Variants in CD99 observed in about 807,000 individuals in gnomAD.
The protein encoded by CD99 is CD99 molecule (Xg blood group).
CD99 carries 19 observed loss-of-function variants against 28.4 expected under a neutral mutation model. That is an observed-to-expected ratio of 0.67 (90% confidence interval 0.47 to 0.98). The LOEUF (loss-of-function observed/expected upper bound fraction) is 0.98, where lower values mean the gene tolerates loss of function less well. Ranked by LOEUF, CD99 falls within the 50% of genes least tolerant of loss-of-function variation. The pLI is 0.00. For synonymous variants in CD99, 103 were observed against 92.1 expected, an observed-to-expected ratio of 1.12 and a Z score of -0.67; for missense variants, 283 against 248.8, an observed-to-expected ratio of 1.14 and a Z score of -0.92.
intron 2 of CD99, chrX:2,714,856 G>A: frequency 6.0e-6 from 1 of 167,906 alleles, no homozygotes. Context: ...CCGCCTGTAT[G>A]TGTCCACCTG....
Position 2,691,374 on chromosome X carries a change from C to A in CD99, c.14C>A (p.Ala5Asp). The change falls in exon 1 of 10, where the codon GCT becomes GAT. Residue 5 changes from alanine (A) to aspartate (D), a missense_variant. Physicochemically the swap from Ala to Asp is moderately radical, Grantham distance 126 (BLOSUM62 -2). Coordinates refer to ENST00000381192, the MANE Select transcript of CD99 (RefSeq NM_002414.5). The part of the protein sequence containing the change: MARG[A>D]ALALLLFGLL... ...TCTGGGCGCACCATGGCCCGCGGGG[C>A]TGCGCTGGCGCTGCTGCTCTTCGGC... is the stretch of plus-strand genomic sequence containing the variant. The A allele has an allele frequency of 6.3e-7, 1 of 1,575,910 alleles. No individual in the cohort carries two copies. The highest frequency in any genetic ancestry group is 8.5e-7 in the Non-Finnish European group (1 of 1,170,980).
At chrX:2,723,394 C>G (rs769180456) in intron 7 of CD99, 30 bp downstream of exon 7, 3 of 1,612,400 alleles carry the variant, frequency 1.9e-6, no homozygotes, top group East Asian at 2.2e-5. Flanking sequence ...GTCTTCTTGT[C>G]TCTCCCACGT....
chrX:2,721,374 C>T (rs141978885), intron 5 of CD99, among the ~76,000 whole-genome samples: 3,071 of 152,094 alleles, frequency 0.02, 97 homozygotes, highest in African/African-American at 0.07. Flanking sequence ...GAGCATACCA[C>T]AGCCTCCAAC....
intron 8 of CD99, among the ~76,000 whole-genome samples, chrX:2,733,910 A>G (rs2124276097): frequency 6.6e-6 from 1 of 152,360 alleles, no homozygotes; most frequent in South Asian, 2.1e-4. Flanking sequence ...TTCTGTGATC[A>G]GTGTTCCAAA....
At chrX:2,733,451 GCAAAC>G in intron 8 of CD99, 3 of 1,475,384 alleles carry the variant, frequency 2.0e-6, no homozygotes, top group Non-Finnish European at 1.9e-6. Flanking sequence ...TAGCCTTAAA[GCAAAC>G]CCTTCCATCT....
intron 7 of CD99, among the ~76,000 whole-genome samples, chrX:2,725,681 T>G (rs987748621): frequency 1.3e-5 from 2 of 152,162 alleles, no homozygotes; most frequent in African/African-American, 4.8e-5. Flanking sequence ...CGGCACAATC[T>G]CGGCTCACTG....
chrX:2,703,957 TG>T (rs1009686662), intron 1 of CD99, among the ~76,000 whole-genome samples: 102 of 152,202 alleles, frequency 6.7e-4, no homozygotes, highest in Non-Finnish European at 1.2e-3. Context: ...CGAGCAGCCC[TG>T]CCTTGCTGTT....
chrX:2,738,674 G>A (rs1007476407), intron 9 of CD99, among the ~76,000 whole-genome samples: 8 of 151,478 alleles, frequency 5.3e-5, no homozygotes, highest in East Asian at 2.0e-4. Flanking sequence ...GCAGTGAGCC[G>A]AGATCGTGCC....
At chrX:2,701,027 A>C (rs1039630420) in intron 1 of CD99, among the ~76,000 whole-genome samples, 4 of 149,856 alleles carry the variant, frequency 2.7e-5, no homozygotes, top group Non-Finnish European at 5.9e-5. Context: ...CCATCCATCC[A>C]CCTACCTACT....
At chrX:2,693,053 G>A (rs1198665029) in intron 1 of CD99, among the ~76,000 whole-genome samples, 2 of 152,150 alleles carry the variant, frequency 1.3e-5, no homozygotes. Context: ...CTGGTCTGGC[G>A]TTCCAGGTCA....
At chrX:2,734,743 C>A (rs2049848441) in intron 8 of CD99, among the ~76,000 whole-genome samples, 1 of 134,152 alleles carries the variant, frequency 7.5e-6, no homozygotes, top group Admixed American at 7.5e-5. Context: ...TTTCCTCATT[C>A]TTTTCCTCTT....
intron 1 of CD99, chrX:2,692,108 A>C (rs905425690): frequency 6.7e-6 from 4 of 598,442 alleles, no homozygotes; most frequent in South Asian, 4.1e-5. Context: ...CAGGGAAGAA[A>C]GAGCCACGGT....
chrX:2,709,147 GC>G (rs1240185031), intron 1 of CD99, among the ~76,000 whole-genome samples: 1 of 132,348 alleles, frequency 7.6e-6, no homozygotes, highest in African/African-American at 2.5e-5. Context: ...GAGGTGGCAG[GC>G]CATGGACACA....
intron 4 of CD99, 66 bp from the exon 5 acceptor site, chrX:2,720,290 A>T (rs2048930384): frequency 7.0e-7 from 1 of 1,434,944 alleles, no homozygotes; most frequent in Non-Finnish European, 9.8e-7. Flanking sequence ...ATCTGTGTGT[A>T]AACTGATGTT....
intron 1 of CD99, among the ~76,000 whole-genome samples, chrX:2,712,086 C>A (rs762185948): frequency 2.0e-5 from 3 of 152,152 alleles, no homozygotes; most frequent in Admixed American, 2.0e-4. Context: ...ATGGATGGAA[C>A]TGGAGGACAT....
intron 4 of CD99, 136 bp downstream of exon 4, chrX:2,719,841 G>T: frequency 1.1e-6 from 1 of 903,730 alleles, no homozygotes; most frequent in South Asian, 1.4e-5. Context: ...GAATAGGTGT[G>T]TCGGTTTGTT....
chrX:2,697,325 T>C (rs192696384), intron 1 of CD99, among the ~76,000 whole-genome samples: 4 of 152,272 alleles, frequency 2.6e-5, no homozygotes, highest in Non-Finnish European at 5.9e-5. Flanking sequence ...GAGTCTGATT[T>C]TCTGCATCTT....
At chrX:2,717,575 T>A in intron 2 of CD99, 30 bp from the exon 3 acceptor site, 1 of 1,591,732 alleles carries the variant, frequency 6.3e-7, no homozygotes, top group Non-Finnish European at 8.6e-7. Flanking sequence ...AGCTGCAACT[T>A]TTACTAACTG....
chrX:2,692,168 A>C, intron 1 of CD99: 2 of 516,154 alleles, frequency 3.9e-6, no homozygotes, highest in Non-Finnish European at 3.4e-6. Context: ...TACTTTAATC[A>C]TGTTTTTCTG....
Sources: allele counts gnomAD v4.1 joint callset (sites outside exome capture counted in the v4.1 genomes callset), GRCh38; gene constraint gnomAD v4.1.1; transcripts MANE v1.5; gene names NCBI Gene and HGNC (gene_info 2026-07-23, HGNC 2026-07-21).